The following CARMIL3 variants were observed in gnomAD, a reference collection of about 807,000 sequenced individuals.
CARMIL3 encodes capping protein, Arp2/3 and myosin-I linker protein 3.
In CARMIL3, 88 loss-of-function variants were observed where a neutral mutation model predicts 180.8. That is an observed-to-expected ratio of 0.49 (90% CI 0.41 to 0.58). CARMIL3 has a LOEUF of 0.58. Among genes scored for constraint, CARMIL3 ranks in the 20% least tolerant of loss-of-function variants. The pLI is 0.00. For missense variants in CARMIL3, 1,548 were observed against 1,787.0 expected, an observed-to-expected ratio of 0.87 and a Z score of 2.41; for synonymous variants, 696 against 714.5, an observed-to-expected ratio of 0.97 and a Z score of 0.41.
chr14:24,061,140 C>G lies in CARMIL3; in HGVS notation c.2304+100C>G. ...CAGAGCTGGGAGACTTCTGGAGGGC[C>G]AGGAGGACATGCAGAGTTGAGACCA... is the stretch of plus-strand genomic sequence containing the variant. On this transcript the variant is annotated intron_variant, in intron 26 of 39. Transcript: ENST00000342740. The surrounding 1 kb of genome is among the most constrained non-coding windows in gnomAD (Gnocchi z 4.1). 3.8e-6 allele frequency: 4 copies of G among 1,060,964 alleles called. No homozygotes were observed. Among genetic ancestry groups the G allele is most frequent in the Non-Finnish European group, 5.6e-6 (4 of 720,322 alleles). 65.7% of individuals were successfully genotyped at this position (1,060,964 alleles called of 1,614,324 possible).
rs766757237 is a variant in CARMIL3, at chr14:24,054,854, C to T, written c.460+46C>T. On this transcript the variant is annotated intron_variant, in intron 6 of 39. Transcript: ENST00000342740. The surrounding 1 kb of genome is among the most constrained non-coding windows in gnomAD (Gnocchi z 5.1). ...GGAAAGTAGGCGCTCCACCATCTTG[C>T]CCCATGATCAGAGCCCTTTGTGCAC... 2.5e-6 allele frequency: 4 copies of T among 1,574,880 alleles called. No individual in the cohort carries two copies. Among genetic ancestry groups the T allele is most frequent in the Non-Finnish European group, 2.6e-6 (3 of 1,147,678 alleles).
At chr14:24,064,189 G>A in intron 31 of CARMIL3, 57 bp from the exon 32 acceptor site, 2 of 1,195,174 alleles carry the variant, frequency 1.7e-6, no homozygotes, top group Non-Finnish European at 2.5e-6. Context: ...CTGAGTGGAT[G>A]GGAGGTGGGG....
rs1566536995 is a variant in CARMIL3, at chr14:24,052,126, TGCA to T, written c.-22_-20del. ...TCCCCGGCGGCGGCGGCGGCTCCTC[TGCA>T]GCAGCCTCAGCAGCAGCGGCCGCCA... On this transcript the variant is annotated 5_prime_UTR_variant, in exon 1 of 40. Coordinates refer to ENST00000342740, the MANE Select transcript of CARMIL3 (RefSeq NM_138360.4). The T allele has an allele frequency of 1.1e-5, 17 of 1,555,720 alleles. No individual in the cohort carries two copies. The highest frequency in any genetic ancestry group is 3.4e-4 in the Middle Eastern group (2 of 5,950).
At chr14:24,068,477 G>T in intron 36 of CARMIL3, 107 bp from the exon 37 acceptor site, 1 of 902,108 alleles carries the variant, frequency 1.1e-6, no homozygotes, top group Non-Finnish European at 1.7e-6. Flanking sequence ...AAGTGGGCTT[G>T]GAGGGAGAAA....
At position 24,058,946 on chromosome 14, in the gene CARMIL3, A is replaced by G; in HGVS notation, c.1531A>G (p.Lys511Glu). ...VPALGKNKSL[K>E]HLFLGKNFNV... ...TGCACTTGGCAAGAACAAGTCCCTC[A>G]AGCACCTGTTTTTGGGCAAGAACTT... The change falls in exon 19 of 40, where the codon AAG becomes GAG. Residue 511 changes from lysine (K) to glutamate (E), a missense_variant. This residue lies in a region of CARMIL3 where 578 missense variants were observed against 666.5 expected (regional missense o/e 0.87). Transcript: ENST00000342740. This position sits in a 1 kb window ranked among gnomAD's most constrained non-coding sequence, Gnocchi z 6.4. 6.2e-7 allele frequency: 1 copy of G among 1,614,160 alleles called. No individual in the cohort carries two copies. Among genetic ancestry groups the G allele is most frequent in the Non-Finnish European group, 8.5e-7 (1 of 1,180,022 alleles).
chr14:24,062,686 T>C, intron 28 of CARMIL3, 23 bp from the exon 29 acceptor site: 1 of 1,608,894 alleles, frequency 6.2e-7, no homozygotes, highest in South Asian at 1.1e-5. Flanking sequence ...CATGGAATTC[T>C]GTTCACACCT....
Position 24,061,803 on chromosome 14 carries a change from A to C in CARMIL3, c.2480+131A>C, listed in dbSNP as rs1344300087. 2.8e-6 allele frequency: 3 copies of C among 1,064,780 alleles called. No homozygotes were observed. The highest frequency in any genetic ancestry group is 4.0e-6 in the Non-Finnish European group (3 of 756,370). 66.0% of individuals were successfully genotyped at this position (1,064,780 alleles called of 1,614,324 possible). ...CCATTACAAGGATCAATCTTTAACC[A>C]AGTGCAACCTTGCTATTTAGGGTCT... On this transcript the variant is annotated intron_variant, in intron 27 of 39. Transcript: ENST00000342740. The surrounding 1 kb of genome is among the most constrained non-coding windows in gnomAD (Gnocchi z 4.1).
chr14:24,063,240 T>G, intron 30 of CARMIL3, 57 bp downstream of exon 30: 1 of 1,595,982 alleles, frequency 6.3e-7, no homozygotes. Context: ...CTGTAGCCCC[T>G]CTTTCCCTTG....
chr14:24,054,428 C>G lies in CARMIL3; in HGVS notation c.279C>G (p.Ser93Arg). The G allele has an allele frequency of 1.2e-6, 2 of 1,614,148 alleles. No individual in the cohort carries two copies. Among genetic ancestry groups the G allele is most frequent in the Non-Finnish European group, 1.7e-6 (2 of 1,180,028 alleles). The change falls in exon 5 of 40, where the codon AGC becomes AGG. Residue 93 changes from serine (S) to arginine (R), a missense_variant. Physicochemically the swap from Ser to Arg is moderately radical, Grantham distance 110. Transcript: ENST00000342740. This position sits in a 1 kb window ranked among gnomAD's most constrained non-coding sequence, Gnocchi z 5.1. The stretch of plus-strand genomic sequence containing the variant: ...TGGAGACGGAGCGTGGCATGGTGAG[C>G]ATGCGACTGCCATCAGCTGAAAGTG... ...ILVETERGMV[S>R]MRLPSAESVD...
At position 24,061,916 on chromosome 14, in the gene CARMIL3, C is replaced by T; in HGVS notation, c.2480+244C>T. The T allele has an allele frequency of 2.1e-6, 1 of 477,636 alleles. No homozygotes were observed. Among genetic ancestry groups the T allele is most frequent in the South Asian group, 3.1e-5 (1 of 31,836 alleles). 29.6% of individuals were successfully genotyped at this position (477,636 alleles called of 1,614,324 possible). A position where few individuals can be genotyped will look rare whatever the true frequency, so the allele number is the denominator to read the frequency against. ...ACACAGGTGTACACACACATACCCA[C>T]ACAAATACACCAGGAATGGGATAGC... On this transcript the variant is annotated intron_variant, in intron 27 of 39. Transcript: ENST00000342740. The surrounding 1 kb of genome is among the most constrained non-coding windows in gnomAD (Gnocchi z 4.1).
At position 24,054,972 on chromosome 14, in the gene CARMIL3, A is replaced by C; in HGVS notation, c.461-94A>C. On this transcript the variant is annotated intron_variant, in intron 6 of 39. Transcript: ENST00000342740. This position sits in a 1 kb window ranked among gnomAD's most constrained non-coding sequence, Gnocchi z 5.1. ...TCATGGCATAGCAAGAACCAAGAGC[A>C]CTGGCACATAAAGTGACCTTGACTG... is the stretch of plus-strand genomic sequence containing the variant. 2 of 1,455,934 alleles carry C rather than the reference A, an allele frequency of 1.4e-6. No homozygotes were observed. Among genetic ancestry groups the C allele is most frequent in the Non-Finnish European group, 1.9e-6 (2 of 1,045,598 alleles). 90.2% of individuals were successfully genotyped at this position (1,455,934 alleles called of 1,614,324 possible).
Position 24,061,553 on chromosome 14 carries a change from G to C in CARMIL3, c.2361G>C (p.Arg787=). The change falls in exon 27 of 40, where the codon CGG becomes CGC. Residue 787 remains arginine, a synonymous_variant. Transcript: ENST00000342740. The surrounding 1 kb of genome is among the most constrained non-coding windows in gnomAD (Gnocchi z 4.1). ...AGGAGTTATGCCCTGTGGCCATGCG[G>C]GTGGCCGAGGGACACAACAAGATGC... ...LTQELCPVAM[R]VAEGHNKMLS... 10 of 1,614,092 alleles carry C rather than the reference G, an allele frequency of 6.2e-6. No individual in the cohort carries two copies. Among genetic ancestry groups the C allele is most frequent in the Non-Finnish European group, 8.5e-6 (10 of 1,179,990 alleles).
rs767433485 is a variant in CARMIL3 at position 24,054,509 on chromosome 14, T to C, written c.360T>C (p.Pro120=). ...CCCTGTCCAAGGTCTGCCCTGGCCC[T>C]GGGTGAGTGGCAAATAAGGGGTCTC... ...SSALSKVCPG[P]GCLIRRGNAD... The change falls in exon 5 of 40, where the codon CCT becomes CCC. Residue 120 remains proline, a splice_region_variant and synonymous_variant. Coordinates refer to ENST00000342740, the MANE Select transcript of CARMIL3 (RefSeq NM_138360.4). This position sits in a 1 kb window ranked among gnomAD's most constrained non-coding sequence, Gnocchi z 5.1. 6.2e-7 allele frequency: 1 copy of C among 1,609,172 alleles called. No individual in the cohort carries two copies. The highest frequency in any genetic ancestry group is 1.1e-5 in the South Asian group (1 of 91,060).
chr14:24,062,431 C>G lies in CARMIL3; in HGVS notation c.2481-49C>G, dbSNP rs773559937. On this transcript the variant is annotated intron_variant, in intron 27 of 39. Coordinates refer to ENST00000342740, the MANE Select transcript of CARMIL3 (RefSeq NM_138360.4). ...GAGAGGGAGTGCCTCAGGGGCCATG[C>G]GGGGGACTGAGGTGCTAATGTTCTG... 19 of 1,519,474 alleles carry G rather than the reference C, an allele frequency of 1.3e-5. No homozygotes were observed. The East Asian group carries it at 2.3e-4, about 18-fold the overall frequency. 94.1% of individuals were successfully genotyped at this position (1,519,474 alleles called of 1,614,324 possible).
At chr14:24,052,217 G>C (rs1478175319) in intron 1 of CARMIL3, 24 bp downstream of exon 1, 14 of 1,578,502 alleles carry the variant, frequency 8.9e-6, no homozygotes, top group Admixed American at 1.7e-5. Flanking sequence ...TCGGTCTCTG[G>C]GACGCCCCGT....
In CARMIL3 at chr14:24,069,498, CCT is replaced by C; in HGVS notation, c.*95_*96del. 4.5e-6 allele frequency: 7 copies of C among 1,546,328 alleles called. No homozygotes were observed. Among genetic ancestry groups the C allele is most frequent in the Non-Finnish European group, 6.2e-6 (7 of 1,129,394 alleles). Reference sequence around the variant, plus strand: ...CAGTCCCCAGGGCCCCCTGCCAGCCCCTGTCCTACAGGGGCAAGACGGCAGGA... The same window carrying C: ...CAGTCCCCAGGGCCCCCTGCCAGCCCGTCCTACAGGGGCAAGACGGCAGGA... On this transcript the variant is annotated 3_prime_UTR_variant, in exon 40 of 40. Coordinates refer to ENST00000342740, the MANE Select transcript of CARMIL3 (RefSeq NM_138360.4).
chr14:24,059,990 T>G lies in CARMIL3; in HGVS notation c.1889T>G (p.Met630Arg). ...ALESNHTLRF[M>R]SFPVSDISQA... ...CACAGCAACCACACGCTGCGCTTCA[T>G]GTCCTTCCCCGTGAGCGACATCTCC... is the stretch of plus-strand genomic sequence containing the variant. The change falls in exon 23 of 40, where the codon ATG (methionine) becomes AGG (arginine). Residue 630 changes from methionine (M) to arginine (R), a missense_variant. Transcript: ENST00000342740. This position sits in a 1 kb window ranked among gnomAD's most constrained non-coding sequence, Gnocchi z 6.3. 1 of 1,614,012 alleles carries G rather than the reference T, an allele frequency of 6.2e-7. No individual in the cohort carries two copies. The highest frequency in any genetic ancestry group is 8.5e-7 in the Non-Finnish European group (1 of 1,180,014).
Position 24,059,316 on chromosome 14 carries a change from C to T in CARMIL3, c.1673C>T (p.Thr558Ile). The change falls in exon 21 of 40, where the codon ACC (threonine) becomes ATC (isoleucine). Residue 558 changes from threonine (T) to isoleucine (I), a missense_variant. Coordinates refer to ENST00000342740, the MANE Select transcript of CARMIL3 (RefSeq NM_138360.4). The surrounding 1 kb of genome is among the most constrained non-coding windows in gnomAD (Gnocchi z 6.3). ...SVADSRLKLRTSILINALGSN... is the reference protein window; with the variant it reads ...SVADSRLKLRISILINALGSN... Reference sequence around the variant, plus strand: ...GCAGACTCCCGGCTGAAGCTTCGCACCAGCATCCTCATCAATGCCCTGGGC... The same window carrying T: ...GCAGACTCCCGGCTGAAGCTTCGCATCAGCATCCTCATCAATGCCCTGGGC... 2 of 1,613,988 alleles carry T rather than the reference C, an allele frequency of 1.2e-6. No homozygotes were observed. Among genetic ancestry groups the T allele is most frequent in the Non-Finnish European group, 1.7e-6 (2 of 1,180,032 alleles).
chr14:24,063,762 G>A (rs1292709748), intron 31 of CARMIL3, among the ~76,000 whole-genome samples: 1 of 152,142 alleles, frequency 6.6e-6, no homozygotes, highest in Non-Finnish European at 1.5e-5. Flanking sequence ...TTTGGTGAAG[G>A]ATAGAGCCAC....
Sources: gnomAD v4.1 joint callset for allele counts (sites outside exome capture counted in the v4.1 genomes callset) on GRCh38, gnomAD v4.1.1 for gene constraint, gnomAD v4.1.1 regional missense constraint, Gnocchi (gnomAD v3.1) non-coding constraint, MANE v1.5 for transcripts, NCBI Gene and HGNC (gene_info 2026-07-23, HGNC 2026-07-21) for gene names.